EPB41L4B: variants seen among roughly 807,000 people sequenced by gnomAD.
The protein encoded by EPB41L4B is erythrocyte membrane protein band 4.1 like 4B.
Under a neutral mutation model 112.5 loss-of-function variants are expected in EPB41L4B, and 30 were observed. That is an observed-to-expected ratio of 0.27 (90% CI 0.20 to 0.36). The LOEUF (loss-of-function observed/expected upper bound fraction) is 0.36, where lower values mean the gene tolerates loss of function less well. Ranked by LOEUF, EPB41L4B falls within the 10% of genes least tolerant of loss-of-function variation. EPB41L4B has a pLI of 1.00. For missense variants in EPB41L4B, 1,024 were observed against 1,133.3 expected, an observed-to-expected ratio of 0.90 and a Z score of 1.38; for synonymous variants, 408 against 439.7, an observed-to-expected ratio of 0.93 and a Z score of 0.90.
intron 1 of EPB41L4B, among the ~76,000 whole-genome samples, chr9:109,280,677 T>G (rs569098780): frequency 8.6e-5 from 13 of 151,956 alleles, no homozygotes; most frequent in Admixed American, 8.5e-4. Context: ...GATACTGAAG[T>G]CTCTGACAAA....
At chr9:109,245,290 C>G (rs900741502) in intron 14 of EPB41L4B, among the ~76,000 whole-genome samples, 16 of 152,128 alleles carry the variant, frequency 1.1e-4, no homozygotes, top group Non-Finnish European at 1.9e-4. Context: ...AGAACTGGAC[C>G]CTCTATGTTT....
chr9:109,202,845 AC>A (rs1208855367), intron 19 of EPB41L4B, among the ~76,000 whole-genome samples: 1 of 152,160 alleles, frequency 6.6e-6, no homozygotes, highest in Non-Finnish European at 1.5e-5. Context: ...TTACACTTGT[AC>A]CCCATAAATT....
intron 16 of EPB41L4B, among the ~76,000 whole-genome samples, chr9:109,215,723 C>T (rs563279691): frequency 2.1e-4 from 32 of 152,228 alleles, no homozygotes; most frequent in East Asian, 7.7e-4. Flanking sequence ...TCTTTGGTAA[C>T]GTATAATAAA....
intron 15 of EPB41L4B, among the ~76,000 whole-genome samples, chr9:109,220,275 A>AC (rs1330558456): frequency 6.6e-6 from 1 of 152,236 alleles, no homozygotes; most frequent in Non-Finnish European, 1.5e-5. Flanking sequence ...GGTGGTTGAA[A>AC]GAGCAGGATG....
intron 17 of EPB41L4B, among the ~76,000 whole-genome samples, chr9:109,211,148 A>C (rs937291424): frequency 2.0e-5 from 3 of 152,218 alleles, no homozygotes; most frequent in African/African-American, 7.2e-5. Context: ...AAACCTTAGA[A>C]GAATCAGAGG....
intron 25 of EPB41L4B, among the ~76,000 whole-genome samples, chr9:109,175,512 C>CACACACACAG (rs368322359): frequency 7.0e-6 from 1 of 142,470 alleles, no homozygotes; most frequent in Non-Finnish European, 1.5e-5. Context: ...CACACACACA[C>CACACACACAG]AGAGTAAATA....
intron 15 of EPB41L4B, among the ~76,000 whole-genome samples, chr9:109,237,319 T>G (rs1285766666): frequency 6.6e-6 from 1 of 152,220 alleles, no homozygotes; most frequent in Non-Finnish European, 1.5e-5. Context: ...ACTTCTGGCA[T>G]GAATTACATC....
At chr9:109,279,130 A>G (rs1011397865) in intron 2 of EPB41L4B, among the ~76,000 whole-genome samples, 6 of 151,990 alleles carry the variant, frequency 3.9e-5, no homozygotes, top group Non-Finnish European at 8.8e-5. Flanking sequence ...CTGTAAGAAG[A>G]TGGTGGCACA....
intron 23 of EPB41L4B, among the ~76,000 whole-genome samples, chr9:109,184,550 G>T (rs998429074): frequency 6.6e-6 from 1 of 152,194 alleles, no homozygotes. Flanking sequence ...ATGAAAGAAA[G>T]GTGAAAGTTA....
chr9:109,291,362 T>G (rs1201392523), intron 1 of EPB41L4B, among the ~76,000 whole-genome samples: 4 of 152,188 alleles, frequency 2.6e-5, no homozygotes, highest in Non-Finnish European at 4.4e-5. Context: ...TGGCTAGGGT[T>G]GGGATACAAG....
At chr9:109,224,502 A>T (rs1213976869) in intron 15 of EPB41L4B, among the ~76,000 whole-genome samples, 3 of 152,164 alleles carry the variant, frequency 2.0e-5, no homozygotes, top group Non-Finnish European at 4.4e-5. Flanking sequence ...AAATCCATAG[A>T]GGTAGAAAGT....
chr9:109,255,965 G>A (rs536218194), intron 9 of EPB41L4B, 122 bp from the exon 10 acceptor site: 2 of 1,231,162 alleles, frequency 1.6e-6, no homozygotes, highest in African/African-American at 3.0e-5. Flanking sequence ...ATTCATCCAA[G>A]TGTGATTATC....
chr9:109,255,603 A>G lies in EPB41L4B; in HGVS notation c.1077T>C (p.Val359=), dbSNP rs73529389. The stretch of plus-strand genomic sequence containing the variant: ...GCAGTCGGAAGAATGCGTGGTGCTC[A>G]ACTGCACACTTCCAAAGGTGTTTGC... ...RTCKHLWKCA[V]EHHAFFRLRT... Residue 359 remains valine (V), a synonymous_variant, in exon 11 of 26, where the codon GTT becomes GTC. Transcript: ENST00000374566. 1.1e-3 allele frequency: 1,812 copies of G among 1,614,192 alleles called. 18 individuals carry two copies. The African/African-American group carries it at 0.022, about 20-fold the overall frequency.
chr9:109,320,496 T>A lies in EPB41L4B; in HGVS notation c.-50A>T. ...CCGCCCCCTGCGCTGCCGCTGCCGC[T>A]GCCGCTGCCGCTGCGCCGCCGCCCG... On this transcript the variant is annotated 5_prime_UTR_variant, in exon 1 of 26. Coordinates refer to ENST00000374566, the MANE Select transcript of EPB41L4B (RefSeq NM_019114.5). The A allele has an allele frequency of 1.1e-6, 1 of 928,288 alleles. No homozygotes were observed. The highest frequency in any genetic ancestry group is 1.3e-6 in the Non-Finnish European group (1 of 781,266). 57.5% of individuals were successfully genotyped at this position (928,288 alleles called of 1,614,324 possible). A position where few individuals can be genotyped will look rare whatever the true frequency, so the allele number is the denominator to read the frequency against.
At chr9:109,320,109 TGC>T (rs1205080244) in intron 1 of EPB41L4B, 30 bp downstream of exon 1, 1 of 1,398,590 alleles carries the variant, frequency 7.2e-7, no homozygotes, top group Non-Finnish European at 9.3e-7. Flanking sequence ...GGGCGCGAGG[TGC>T]CAGTGCCCCA....
intron 4 of EPB41L4B, 70 bp downstream of exon 4, chr9:109,267,403 T>C (rs974096430): frequency 2.9e-5 from 28 of 966,060 alleles, no homozygotes; most frequent in Admixed American, 1.6e-4. Flanking sequence ...AACCCACAAT[T>C]GAGAAGAGCC....
chr9:109,208,313 T>C (rs1427210629), intron 17 of EPB41L4B, among the ~76,000 whole-genome samples: 2 of 152,212 alleles, frequency 1.3e-5, no homozygotes, highest in Non-Finnish European at 2.9e-5. Context: ...TCCAGCATCA[T>C]GGGGCAAGAG....
chr9:109,241,771 G>A (rs750634458), intron 15 of EPB41L4B: 27 of 1,614,036 alleles, frequency 1.7e-5, no homozygotes, highest in African/African-American at 2.7e-5. Context: ...TCCACTGGCC[G>A]ATGCTTTCCA....
intron 19 of EPB41L4B, 35 bp from the exon 20 acceptor site, chr9:109,200,369 A>C: frequency 1.3e-6 from 2 of 1,550,864 alleles, no homozygotes; most frequent in Non-Finnish European, 1.8e-6. Context: ...CAATACCATC[A>C]AAAAAGGTTT....
Sources: allele counts gnomAD v4.1 joint callset (sites outside exome capture counted in the v4.1 genomes callset), GRCh38; gene constraint gnomAD v4.1.1; transcripts MANE v1.5; gene names NCBI Gene and HGNC (gene_info 2026-07-23, HGNC 2026-07-21).